The following MYRIP variants were observed in gnomAD, a reference collection of about 807,000 sequenced individuals.
MYRIP encodes rab effector MyRIP.
MYRIP carries 49 observed loss-of-function variants against 98.0 expected under a neutral mutation model. The observed-to-expected ratio is 0.50, with a 90% CI of 0.40 to 0.63. MYRIP has a LOEUF of 0.63. Among genes scored for constraint, MYRIP ranks in the 30% least tolerant of loss-of-function variants. The pLI is 0.00. For missense variants in MYRIP, 1,004 were observed against 1,058.2 expected, an observed-to-expected ratio of 0.95 and a Z score of 0.71; for synonymous variants, 404 against 409.5, an observed-to-expected ratio of 0.99 and a Z score of 0.16.
intron 1 of MYRIP, among the ~76,000 whole-genome samples, chr3:39,830,459 T>C (rs1941406297): frequency 6.6e-6 from 1 of 152,168 alleles, no homozygotes; most frequent in African/African-American, 2.4e-5. Context: ...CTCAAATATC[T>C]ATACCTCGTC....
At chr3:40,182,911 C>T (rs150151274) in intron 9 of MYRIP, among the ~76,000 whole-genome samples, 20 of 152,246 alleles carry the variant, frequency 1.3e-4, no homozygotes, top group Middle Eastern at 3.4e-3. Context: ...AATATCTAAG[C>T]GGCTTAATAC....
chr3:39,920,586 G>C (rs1020815986), intron 2 of MYRIP, among the ~76,000 whole-genome samples: 1 of 152,064 alleles, frequency 6.6e-6, no homozygotes, highest in Non-Finnish European at 1.5e-5. Context: ...CTATACAGTG[G>C]CTTCTGCTTT....
chr3:39,970,748 T>G (rs1945560425), intron 2 of MYRIP, among the ~76,000 whole-genome samples: 1 of 152,102 alleles, frequency 6.6e-6, no homozygotes, highest in Non-Finnish European at 1.5e-5. Flanking sequence ...AAAAATTGTA[T>G]TAGGTGGATA....
chr3:39,906,282 G>A (rs1286440849), intron 2 of MYRIP, among the ~76,000 whole-genome samples: 1 of 152,010 alleles, frequency 6.6e-6, no homozygotes, highest in African/African-American at 2.4e-5. Context: ...GCCTCTACGG[G>A]TGAGGCACCC....
intron 2 of MYRIP, among the ~76,000 whole-genome samples, chr3:39,931,418 A>AT (rs1410162118): frequency 2.0e-5 from 3 of 151,206 alleles, no homozygotes; most frequent in African/African-American, 7.3e-5. Flanking sequence ...AGTTCTGACA[A>AT]TTTTTTATGG....
intron 2 of MYRIP, among the ~76,000 whole-genome samples, chr3:40,026,808 G>T (rs189238469): frequency 1.7e-4 from 26 of 152,234 alleles, no homozygotes; most frequent in Admixed American, 1.6e-3. Context: ...ACAGCAAATA[G>T]CCATCCACTC....
intron 3 of MYRIP, among the ~76,000 whole-genome samples, chr3:40,098,504 A>G (rs1948874037): frequency 6.6e-6 from 1 of 152,138 alleles, no homozygotes; most frequent in Admixed American, 6.5e-5. Flanking sequence ...TTTTCTATCT[A>G]AGTTCTACAT....
chr3:40,232,679 A>G (rs1309732486), intron 11 of MYRIP, among the ~76,000 whole-genome samples: 1 of 152,254 alleles, frequency 6.6e-6, no homozygotes, highest in Non-Finnish European at 1.5e-5. Context: ...AGTGATCTCC[A>G]GCTTATTGCA....
chr3:40,148,176 A>G (rs1950047999), intron 3 of MYRIP, among the ~76,000 whole-genome samples: 1 of 152,026 alleles, frequency 6.6e-6, no homozygotes, highest in Non-Finnish European at 1.5e-5. Context: ...GCAAAGTATT[A>G]TTTTTTTCTG....
chr3:40,116,889 A>G (rs1237103277), intron 3 of MYRIP, among the ~76,000 whole-genome samples: 3 of 152,160 alleles, frequency 2.0e-5, no homozygotes, highest in South Asian at 2.1e-4. Flanking sequence ...CTCTTTTCTC[A>G]TGAGTCATTC....
chr3:40,258,348 A>G lies in MYRIP; in HGVS notation c.*182A>G. The G allele has an allele frequency of 1.6e-6, 1 of 637,416 alleles. No homozygotes were observed. The highest frequency in any genetic ancestry group is 1.8e-5 in the African/African-American group (1 of 56,182). The allele number at this position is 637,416 out of a possible 1,614,324, so 39.5% of individuals were successfully genotyped here. ...CCAGAAAGCCGTCTCAGACTTCAGC[A>G]CTGCGGTCTTGCCCACTCTCTGCCT... On this transcript the variant is annotated 3_prime_UTR_variant, in exon 17 of 17. Transcript: ENST00000302541.
At chr3:40,072,354 G>A (rs774257686) in intron 3 of MYRIP, among the ~76,000 whole-genome samples, 11 of 151,808 alleles carry the variant, frequency 7.2e-5, no homozygotes, top group Non-Finnish European at 1.2e-4. Context: ...GAATATAGGC[G>A]CACACCACCA....
chr3:40,163,984 G>T (rs774197696), intron 5 of MYRIP, among the ~76,000 whole-genome samples: 6 of 152,032 alleles, frequency 3.9e-5, no homozygotes, highest in Non-Finnish European at 8.8e-5. Flanking sequence ...CTGCTGAGCC[G>T]GAAATGCCCA....
At chr3:40,157,249 T>A (rs1950264560) in intron 4 of MYRIP, among the ~76,000 whole-genome samples, 1 of 147,690 alleles carries the variant, frequency 6.8e-6, no homozygotes, top group South Asian at 2.2e-4. Context: ...TCTATTGAGA[T>A]AATCATGTGG....
chr3:40,229,976 C>A (rs1952603796), intron 11 of MYRIP, among the ~76,000 whole-genome samples: 2 of 152,196 alleles, frequency 1.3e-5, no homozygotes, highest in Admixed American at 1.3e-4. Context: ...TATCTGGCAC[C>A]TAATAAATGT....
intron 2 of MYRIP, among the ~76,000 whole-genome samples, chr3:39,999,914 A>G (rs1946475085): frequency 6.6e-6 from 1 of 151,810 alleles, no homozygotes; most frequent in Non-Finnish European, 1.5e-5. Context: ...TTCTCAGCAA[A>G]CTATCGCAAG....
intron 1 of MYRIP, among the ~76,000 whole-genome samples, chr3:39,853,170 G>A (rs1942188738): frequency 6.6e-6 from 1 of 152,152 alleles, no homozygotes. Context: ...TGAGCATTTA[G>A]GCTGGTTCCG....
At chr3:39,976,346 G>T (rs9855466) in intron 2 of MYRIP, among the ~76,000 whole-genome samples, 31,885 of 152,090 alleles carry the variant, frequency 0.21, 6,777 homozygotes, top group African/African-American at 0.54. Context: ...CACAATGAGA[G>T]ACCATCTCAC....
chr3:40,163,278 A>G (rs1950434117), intron 5 of MYRIP, among the ~76,000 whole-genome samples: 1 of 152,238 alleles, frequency 6.6e-6, no homozygotes, highest in Non-Finnish European at 1.5e-5. Flanking sequence ...AGTACTGGAC[A>G]TTGATAATCA....
Sources: gnomAD v4.1 joint callset for allele counts (sites outside exome capture counted in the v4.1 genomes callset) on GRCh38, gnomAD v4.1.1 for gene constraint, MANE v1.5 for transcripts, NCBI Gene and HGNC (gene_info 2026-07-23, HGNC 2026-07-21) for gene names.